The following ARHGAP24 variants were observed in gnomAD, a reference collection of about 807,000 sequenced individuals.
ARHGAP24 encodes the protein rho GTPase-activating protein 24.
In ARHGAP24, 50 loss-of-function variants were observed where a neutral mutation model predicts 76.4. That is an observed-to-expected ratio of 0.65 (90% CI 0.52 to 0.83). ARHGAP24 has a LOEUF of 0.83. ARHGAP24 is among the 40% of genes least tolerant of loss of function. ARHGAP24 has a pLI of 0.00. For synonymous variants in ARHGAP24, 345 were observed against 323.3 expected, an observed-to-expected ratio of 1.07 and a Z score of -0.72; for missense variants, 930 against 914.2, an observed-to-expected ratio of 1.02 and a Z score of -0.22.
intron 2 of ARHGAP24, among the ~76,000 whole-genome samples, chr4:85,642,003 C>T (rs1269284463): frequency 6.6e-6 from 1 of 152,122 alleles, no homozygotes. Context: ...CAAGGCCTGT[C>T]CATTCAATGT....
At chr4:85,672,016 A>C (rs1356772821) in intron 2 of ARHGAP24, among the ~76,000 whole-genome samples, 1 of 152,168 alleles carries the variant, frequency 6.6e-6, no homozygotes, top group South Asian at 2.1e-4. Flanking sequence ...TGAAAAAATG[A>C]ATGAGTTTAA....
At chr4:85,658,239 G>A (rs1299750290) in intron 2 of ARHGAP24, among the ~76,000 whole-genome samples, 1 of 152,028 alleles carries the variant, frequency 6.6e-6, no homozygotes, top group Admixed American at 6.5e-5. Context: ...GGGACCCTGG[G>A]ATCTGCCTTC....
chr4:85,840,710 T>G (rs966261517), intron 3 of ARHGAP24, among the ~76,000 whole-genome samples: 18 of 152,234 alleles, frequency 1.2e-4, no homozygotes, highest in Non-Finnish European at 5.9e-5. Flanking sequence ...AAATACAGCC[T>G]CTATAAATCA....
At chr4:85,685,632 CA>C (rs57825725) in intron 2 of ARHGAP24, among the ~76,000 whole-genome samples, 1,550 of 124,372 alleles carry the variant, frequency 0.012, 11 homozygotes, top group African/African-American at 0.031. Context: ...GACTCTGTCT[CA>C]AAAAAAAAAA....
At chr4:85,795,488 T>C (rs919087092) in intron 3 of ARHGAP24, among the ~76,000 whole-genome samples, 3 of 152,088 alleles carry the variant, frequency 2.0e-5, no homozygotes, top group Non-Finnish European at 4.4e-5. Flanking sequence ...TTTCTTGTCA[T>C]TTTAATTATT....
At chr4:85,988,329 T>C (rs939180133) in intron 8 of ARHGAP24, among the ~76,000 whole-genome samples, 2 of 151,684 alleles carry the variant, frequency 1.3e-5, no homozygotes, top group Admixed American at 1.3e-4. Flanking sequence ...TAACCTGTTG[T>C]ATAAAGCAAA....
intron 3 of ARHGAP24, among the ~76,000 whole-genome samples, chr4:85,852,958 C>G (rs11097078): frequency 6.6e-6 from 1 of 152,018 alleles, no homozygotes; most frequent in Admixed American, 6.5e-5. Flanking sequence ...GCAGTCTGTC[C>G]GTTCTCAGAG....
intron 3 of ARHGAP24, among the ~76,000 whole-genome samples, chr4:85,726,750 C>G (rs1441133249): frequency 6.6e-6 from 1 of 152,160 alleles, no homozygotes; most frequent in Non-Finnish European, 1.5e-5. Context: ...GGCAATGTTC[C>G]AGGCTGTTTG....
intron 3 of ARHGAP24, among the ~76,000 whole-genome samples, chr4:85,906,885 T>C (rs928031516): frequency 6.6e-6 from 1 of 152,208 alleles, no homozygotes; most frequent in African/African-American, 2.4e-5. Context: ...TCTCACTTGT[T>C]AGTCCACTCT....
chr4:85,921,973 A>G (rs924738771), intron 3 of ARHGAP24, among the ~76,000 whole-genome samples: 1 of 152,062 alleles, frequency 6.6e-6, no homozygotes, highest in East Asian at 1.9e-4. Context: ...TGGTACCAAA[A>G]AGGTTGGGGA....
chr4:85,779,040 T>C, intron 3 of ARHGAP24: 1 of 953,216 alleles, frequency 1.0e-6, no homozygotes, highest in Non-Finnish European at 1.2e-6. Context: ...ATTTGACCTT[T>C]TTTTCCTCCC....
At chr4:85,571,453 G>A (rs1400221602) in intron 2 of ARHGAP24, among the ~76,000 whole-genome samples, 1 of 152,164 alleles carries the variant, frequency 6.6e-6, no homozygotes, top group Admixed American at 6.5e-5. Context: ...TTATGTGTGT[G>A]TTTTTCATCT....
At chr4:85,752,082 G>A (rs753136052) in intron 3 of ARHGAP24, among the ~76,000 whole-genome samples, 4 of 152,136 alleles carry the variant, frequency 2.6e-5, no homozygotes, top group Non-Finnish European at 4.4e-5. Context: ...AGCCATACAA[G>A]CATTAACATG....
At chr4:85,700,933 A>G (rs1156626376) in intron 2 of ARHGAP24, among the ~76,000 whole-genome samples, 2 of 152,156 alleles carry the variant, frequency 1.3e-5, no homozygotes, top group Non-Finnish European at 2.9e-5. Context: ...ACACTGTTGT[A>G]TTTTTTATGT....
At chr4:85,911,338 G>A (rs1193362689) in intron 3 of ARHGAP24, among the ~76,000 whole-genome samples, 3 of 152,134 alleles carry the variant, frequency 2.0e-5, no homozygotes, top group Non-Finnish European at 4.4e-5. Context: ...CTGCATGATG[G>A]CAGTGGCAGG....
chr4:85,755,997 C>A (rs772054306), intron 3 of ARHGAP24, among the ~76,000 whole-genome samples: 6 of 152,038 alleles, frequency 3.9e-5, no homozygotes, highest in South Asian at 2.1e-4. Context: ...TCATGTCCCC[C>A]TCTAGCAAAA....
At chr4:85,550,559 G>A (rs1164323859) in intron 1 of ARHGAP24, among the ~76,000 whole-genome samples, 1 of 151,934 alleles carries the variant, frequency 6.6e-6, no homozygotes, top group Non-Finnish European at 1.5e-5. Flanking sequence ...AATTTTAAAA[G>A]TCTTTTTTTT....
Position 85,724,757 on chromosome 4 carries a change from ATAGAT to A in ARHGAP24, c.268+2787_268+2791del, listed in dbSNP as rs533641398. On this transcript the variant is annotated intron_variant, in intron 3 of 9. Transcript: ENST00000395184. ...TACCATGTTTTAGGGTTGATTTCCT[ATAGAT>A]TCATTATCCTATGAAATGAATTATC... is the stretch of plus-strand genomic sequence containing the variant. Among the ~76,000 whole-genome samples, 338 of 152,220 alleles carry A rather than the reference ATAGAT, an allele frequency of 2.2e-3. 4 individuals are homozygous for A. Among genetic ancestry groups the A allele is most frequent in the African/African-American group, 7.8e-3 (323 of 41,540 alleles).
intron 2 of ARHGAP24, among the ~76,000 whole-genome samples, chr4:85,667,560 T>C (rs1204163976): frequency 6.6e-6 from 1 of 152,186 alleles, no homozygotes; most frequent in African/African-American, 2.4e-5. Flanking sequence ...GTACCTCAGA[T>C]GGAAATGCAG....
Sources: allele counts gnomAD v4.1 joint callset (sites outside exome capture counted in the v4.1 genomes callset), GRCh38; gene constraint gnomAD v4.1.1; transcripts MANE v1.5; gene names NCBI Gene and HGNC (gene_info 2026-07-23, HGNC 2026-07-21).